The following ANGEL2 variants were observed in gnomAD, a reference collection of about 807,000 sequenced individuals.
The protein encoded by ANGEL2 is RNA 2',3'-cyclic phosphatase ANGEL2.
In ANGEL2, 41 loss-of-function variants were observed where a neutral mutation model predicts 66.0. That is an observed-to-expected ratio of 0.62 (90% confidence interval 0.48 to 0.81). The LOEUF (loss-of-function observed/expected upper bound fraction) is 0.81. Among genes scored for constraint, ANGEL2 ranks in the 30% least tolerant of loss-of-function variants. ANGEL2 has a pLI of 0.00. For synonymous variants in ANGEL2, 208 were observed against 226.5 expected, an observed-to-expected ratio of 0.92 and a Z score of 0.73; for missense variants, 561 against 641.6, an observed-to-expected ratio of 0.87 and a Z score of 1.36.
chr1:213,002,442 T>C (rs866124793), intron 5 of ANGEL2, among the ~76,000 whole-genome samples: 28 of 152,234 alleles, frequency 1.8e-4, no homozygotes, highest in African/African-American at 6.8e-4. Flanking sequence ...TTAGCATAAT[T>C]TTTAAGTGCC....
rs1452158909 is a variant in ANGEL2, at chr1:212,994,225, GAGCAAAGATTGCGCCATTGCACCCCC to G, written c.*790_*815del. ...GAGCCCGGGAGGCAGGGGTTGCAGT[GAGCAAAGATTGCGCCATTGCACCCCC>G]AGCCTGGGCAACAAGAGTGAAACTC... is the stretch of plus-strand genomic sequence containing the variant. On this transcript the variant is annotated 3_prime_UTR_variant, in exon 9 of 9. Transcript: ENST00000366962. The G allele has an allele frequency of 6.6e-6, 1 of 152,174 alleles. No individual in the cohort carries two copies. Among genetic ancestry groups the G allele is most frequent in the African/African-American group, 2.4e-5 (1 of 41,420 alleles). 9.4% of individuals were successfully genotyped at this position (152,174 alleles called of 1,614,324 possible). A position where few individuals can be genotyped will look rare whatever the true frequency, so the allele number is the denominator to read the frequency against.
chr1:213,015,467 C>T (rs1427086149), intron 1 of ANGEL2, 146 bp downstream of exon 1: 17 of 1,454,934 alleles, frequency 1.2e-5, no homozygotes, highest in Non-Finnish European at 9.1e-7. Flanking sequence ...GGAGGCTCGT[C>T]CCGGATGCAC....
chr1:213,002,975 G>C (rs1386156301), intron 5 of ANGEL2, among the ~76,000 whole-genome samples: 1 of 151,534 alleles, frequency 6.6e-6, no homozygotes, highest in South Asian at 2.1e-4. Flanking sequence ...AATGATCTTA[G>C]CTAGATCTTC....
chr1:213,015,550 C>T, intron 1 of ANGEL2, 63 bp downstream of exon 1: 1 of 1,597,658 alleles, frequency 6.3e-7, no homozygotes, highest in Non-Finnish European at 8.5e-7. Context: ...GTCCCGGACG[C>T]CCGCCCGCTC....
intron 5 of ANGEL2, among the ~76,000 whole-genome samples, chr1:213,003,662 T>C (rs569666955): frequency 6.6e-6 from 1 of 152,296 alleles, no homozygotes; most frequent in African/African-American, 2.4e-5. Flanking sequence ...AGATCACTAA[T>C]CTTGGATCAA....
At chr1:213,002,725 C>T (rs974832869) in intron 5 of ANGEL2, among the ~76,000 whole-genome samples, 4 of 152,010 alleles carry the variant, frequency 2.6e-5, no homozygotes. Flanking sequence ...CGAGACCAGC[C>T]TGGGCAACAT....
chr1:212,997,075 A>T, intron 8 of ANGEL2, 80 bp downstream of exon 8: 1 of 1,296,898 alleles, frequency 7.7e-7, no homozygotes, highest in Non-Finnish European at 1.1e-6. Flanking sequence ...CTGGATGTTT[A>T]GAGAGCTTTC....
At chr1:212,996,256 G>A (rs891164351) in intron 8 of ANGEL2, among the ~76,000 whole-genome samples, 2 of 152,156 alleles carry the variant, frequency 1.3e-5, no homozygotes, top group African/African-American at 4.8e-5. Context: ...GCAGTGAGCT[G>A]AGATAGCGCC....
chr1:213,000,249 T>C, intron 7 of ANGEL2, 77 bp downstream of exon 7: 5 of 1,380,744 alleles, frequency 3.6e-6, no homozygotes, highest in Non-Finnish European at 5.1e-6. Context: ...CATTTTTTTA[T>C]CCAAGTGATT....
chr1:213,003,614 T>C (rs2076237901), intron 5 of ANGEL2, among the ~76,000 whole-genome samples: 1 of 152,180 alleles, frequency 6.6e-6, no homozygotes, highest in South Asian at 2.1e-4. Context: ...ATGGGTACAG[T>C]TCATAACACC....
chr1:213,011,591 A>C (rs1261350707), intron 2 of ANGEL2: 2 of 429,752 alleles, frequency 4.7e-6, no homozygotes, highest in Non-Finnish European at 6.3e-6. Flanking sequence ...ACAGTGTGTT[A>C]GGCACTTTGA....
Position 212,993,023 on chromosome 1 carries a change from A to C in ANGEL2, c.*2018T>G, listed in dbSNP as rs2075895428. ...TAATACTGTAATTAAAATCCCCCCA[A>C]AGGCCAGGCATGGTGGCTCATGCCT... is the stretch of plus-strand genomic sequence containing the variant. On this transcript the variant is annotated 3_prime_UTR_variant, in exon 9 of 9. Transcript: ENST00000366962. 6.6e-6 allele frequency: 1 copy of C among 152,188 alleles called. No homozygotes were observed. The highest frequency in any genetic ancestry group is 2.4e-5 in the African/African-American group (1 of 41,458). 9.4% of individuals were successfully genotyped at this position (152,188 alleles called of 1,614,324 possible).
At chr1:213,003,275 C>A (rs190009018) in intron 5 of ANGEL2, among the ~76,000 whole-genome samples, 1 of 152,196 alleles carries the variant, frequency 6.6e-6, no homozygotes, top group East Asian at 1.9e-4. Context: ...TCTTATTATG[C>A]CTTCATACAC....
Position 213,008,266 on chromosome 1 carries a change from G to GTAA in ANGEL2, c.583_585dup (p.Leu195dup). The GTAA allele has an allele frequency of 6.2e-7, 1 of 1,614,000 alleles. No individual in the cohort carries two copies. Among genetic ancestry groups the GTAA allele is most frequent in the Non-Finnish European group, 8.5e-7 (1 of 1,179,870 alleles). Reference sequence around the variant, plus strand: ...ATATTGGGAAACCTAAAACTCCAGTGTAATACTGGCCGCCGGCAATGTCTA... The same window carrying GTAA: ...ATATTGGGAAACCTAAAACTCCAGTGTAATAATACTGGCCGCCGGCAATGTCTA... On this transcript the variant is annotated inframe_insertion, in exon 3 of 9. Coordinates refer to ENST00000366962, the MANE Select transcript of ANGEL2 (RefSeq NM_144567.5).
chr1:213,004,918 A>C (rs2076280282), intron 5 of ANGEL2, 115 bp downstream of exon 5: 1 of 617,432 alleles, frequency 1.6e-6, no homozygotes, highest in South Asian at 3.9e-5. Flanking sequence ...AGTTTGATAA[A>C]GTGAGGGTAC....
Position 212,992,344 on chromosome 1 carries a change from A to C in ANGEL2, c.*2697T>G, listed in dbSNP as rs2075880473. ...AAATTCCAAATAAAGACAAGATTTC[A>C]AACATGAATATTATCTTGATAGCAA... On this transcript the variant is annotated 3_prime_UTR_variant, in exon 9 of 9. Transcript: ENST00000366962. 1 of 152,274 alleles carries C rather than the reference A, an allele frequency of 6.6e-6. No individual in the cohort carries two copies. Among genetic ancestry groups the C allele is most frequent in the Non-Finnish European group, 1.5e-5 (1 of 68,046 alleles). The allele number at this position is 152,274 out of a possible 1,614,324, so 9.4% of individuals were successfully genotyped here.
At chr1:212,995,906 A>G (rs2075982575) in intron 8 of ANGEL2, among the ~76,000 whole-genome samples, 1 of 152,250 alleles carries the variant, frequency 6.6e-6, no homozygotes, top group African/African-American at 2.4e-5. Flanking sequence ...TCAGAAAAGA[A>G]TAAAACAGCT....
intron 8 of ANGEL2, among the ~76,000 whole-genome samples, chr1:212,995,399 T>TC (rs2075968556): frequency 6.6e-6 from 1 of 152,240 alleles, no homozygotes. Flanking sequence ...AGATATTTTT[T>TC]CTATTTCCAG....
intron 2 of ANGEL2, chr1:213,011,175 C>T (rs1572153970): frequency 7.8e-7 from 1 of 1,287,886 alleles, no homozygotes; most frequent in East Asian, 5.5e-5. Context: ...ATATGCTTCA[C>T]AACATAAATT....
Sources: allele counts gnomAD v4.1 joint callset (sites outside exome capture counted in the v4.1 genomes callset), GRCh38; gene constraint gnomAD v4.1.1; transcripts MANE v1.5; gene names NCBI Gene and HGNC (gene_info 2026-07-23, HGNC 2026-07-21).